MACROD1: variants seen among roughly 807,000 people sequenced by gnomAD.
MACROD1 encodes ADP-ribose glycohydrolase MACROD1.
A neutral mutation model predicts 41.4 loss-of-function variants in MACROD1; 31 were observed. The ratio of observed to expected loss-of-function variants is 0.75; its 90% CI spans 0.56 to 1.01. The LOEUF (loss-of-function observed/expected upper bound fraction) is 1.01, where lower values mean the gene tolerates loss of function less well. Ranked by LOEUF, MACROD1 falls within the 50% of genes least tolerant of loss-of-function variation. The probability of loss-of-function intolerance (pLI) is 0.00; values close to 1 mark genes in which losing one functional copy is unlikely to be tolerated. For synonymous variants in MACROD1, 252 were observed against 203.4 expected (o/e 1.24, Z -2.03); for missense variants, 473 against 460.0 (o/e 1.03, Z -0.26).
chr11:64,075,982 T>C (rs554938395), intron 3 of MACROD1, among the ~76,000 whole-genome samples: 26 of 152,312 alleles, frequency 1.7e-4, no homozygotes, highest in African/African-American at 6.3e-4. Flanking sequence ...CCTGGCCCTG[T>C]CTTCTTGGCA....
intron 3 of MACROD1, among the ~76,000 whole-genome samples, chr11:64,126,518 T>G (rs145544501): frequency 5.7e-4 from 87 of 152,286 alleles, no homozygotes; most frequent in African/African-American, 1.7e-3. Flanking sequence ...CAGAGGAATG[T>G]CTTAAGAGCC....
intron 3 of MACROD1, among the ~76,000 whole-genome samples, chr11:64,039,123 C>T (rs756310261): frequency 6.6e-6 from 1 of 152,180 alleles, no homozygotes; most frequent in African/African-American, 2.4e-5. Context: ...GGTACCTGGC[C>T]CAAGGGGCAG....
intron 1 of MACROD1, among the ~76,000 whole-genome samples, chr11:64,159,939 G>A (rs907859564): frequency 6.6e-6 from 1 of 152,230 alleles, no homozygotes; most frequent in Admixed American, 6.5e-5. Context: ...TACATACCTA[G>A]AGGGAGAATG....
chr11:64,152,155 G>T, intron 2 of MACROD1, 137 bp downstream of exon 2: 1 of 683,118 alleles, frequency 1.5e-6, no homozygotes, highest in Non-Finnish European at 2.6e-6. Flanking sequence ...ATAATTGAAT[G>T]AGGTGATACA....
intron 3 of MACROD1, among the ~76,000 whole-genome samples, chr11:64,065,777 A>G (rs1451874651): frequency 8.7e-5 from 12 of 137,282 alleles, no homozygotes; most frequent in East Asian, 2.2e-4. Flanking sequence ...GCGACAGAGC[A>G]CGACTCCGCC....
intron 3 of MACROD1, among the ~76,000 whole-genome samples, chr11:64,023,278 G>A (rs1943181465): frequency 6.6e-6 from 1 of 152,078 alleles, no homozygotes; most frequent in Admixed American, 6.6e-5. Context: ...TCAGTGGGAG[G>A]AGCCAACAGT....
intron 3 of MACROD1, among the ~76,000 whole-genome samples, chr11:64,071,025 A>C (rs1944099497): frequency 6.6e-6 from 1 of 152,054 alleles, no homozygotes; most frequent in Non-Finnish European, 1.5e-5. Flanking sequence ...CAGAGCGGCC[A>C]TACTCATCTC....
chr11:64,039,374 G>A (rs1174277932), intron 3 of MACROD1, among the ~76,000 whole-genome samples: 1 of 152,176 alleles, frequency 6.6e-6, no homozygotes, highest in East Asian at 1.9e-4. Flanking sequence ...CCTGGCTGCT[G>A]CCCCCGGTGT....
At chr11:64,015,647 G>A (rs1053157597) in intron 3 of MACROD1, among the ~76,000 whole-genome samples, 1 of 152,172 alleles carries the variant, frequency 6.6e-6, no homozygotes, top group South Asian at 2.1e-4. Flanking sequence ...GCCAGGCCTG[G>A]TGCAGAGATG....
chr11:64,163,815 A>G (rs934097851), intron 1 of MACROD1, among the ~76,000 whole-genome samples: 3 of 152,332 alleles, frequency 2.0e-5, no homozygotes, highest in African/African-American at 7.2e-5. Flanking sequence ...GTTACACAGA[A>G]ATAGATAACT....
rs1468270497 is a variant in MACROD1 at position 63,999,626 on chromosome 11, GC to G, written c.786+15del. 3 of 1,609,160 alleles carry G rather than the reference GC, an allele frequency of 1.9e-6. No homozygotes were observed. The highest frequency in any genetic ancestry group is 2.5e-6 in the Non-Finnish European group (3 of 1,178,756). ...TGCGCCCCGCCTCCCGCCCTCCCCC[GC>G]GGGCCGTCCCTCACCACCGAGCGGA... On this transcript the variant is annotated intron_variant, in intron 6 of 10. Coordinates refer to ENST00000255681, the MANE Select transcript of MACROD1 (RefSeq NM_014067.4).
intron 3 of MACROD1, among the ~76,000 whole-genome samples, chr11:64,026,349 C>CA (rs1211904284): frequency 3.9e-5 from 6 of 152,110 alleles, no homozygotes; most frequent in Non-Finnish European, 8.8e-5. Context: ...GTTTAATGTT[C>CA]CATGGTGGAA....
At chr11:64,026,765 T>C (rs1943229080) in intron 3 of MACROD1, among the ~76,000 whole-genome samples, 1 of 152,200 alleles carries the variant, frequency 6.6e-6, no homozygotes, top group Admixed American at 6.5e-5. Flanking sequence ...GGCTCTTTCA[T>C]GCCCCAGGGC....
chr11:64,102,542 G>A (rs556269834), intron 3 of MACROD1, among the ~76,000 whole-genome samples: 2 of 152,340 alleles, frequency 1.3e-5, no homozygotes, highest in African/African-American at 4.8e-5. Flanking sequence ...AGAAGAGCAG[G>A]TGCCGGGGGA....
chr11:64,075,121 CTT>C (rs1237883245), intron 3 of MACROD1, among the ~76,000 whole-genome samples: 1 of 152,236 alleles, frequency 6.6e-6, no homozygotes, highest in East Asian at 1.9e-4. Flanking sequence ...CTCTGGGCCT[CTT>C]TCTCTCACTT....
chr11:64,045,933 C>T (rs549501118), intron 3 of MACROD1, among the ~76,000 whole-genome samples: 5 of 152,172 alleles, frequency 3.3e-5, no homozygotes, highest in Non-Finnish European at 7.3e-5. Context: ...AAAACAATAA[C>T]AGCAGTGACA....
At chr11:64,125,214 G>A (rs577840949) in intron 3 of MACROD1, among the ~76,000 whole-genome samples, 1 of 152,004 alleles carries the variant, frequency 6.6e-6, no homozygotes, top group East Asian at 1.9e-4. Flanking sequence ...AACAAAGCCA[G>A]CCCCCAAAGC....
intron 3 of MACROD1, among the ~76,000 whole-genome samples, chr11:64,121,320 C>T (rs556848900): frequency 6.6e-6 from 1 of 152,230 alleles, no homozygotes. Flanking sequence ...CTTACCAGAC[C>T]CTGCCTGCCT....
intron 4 of MACROD1, among the ~76,000 whole-genome samples, chr11:64,006,632 C>T (rs1300117372): frequency 3.3e-5 from 5 of 152,198 alleles, no homozygotes; most frequent in Non-Finnish European, 7.3e-5. Flanking sequence ...AGCTGCATGC[C>T]GGGGCTTGGT....
Sources: gnomAD v4.1 joint callset for allele counts (sites outside exome capture counted in the v4.1 genomes callset) on GRCh38, gnomAD v4.1.1 for gene constraint, MANE v1.5 for transcripts, NCBI Gene and HGNC (gene_info 2026-07-23, HGNC 2026-07-21) for gene names.